Variants in MMP26 observed in about 807,000 individuals in gnomAD.
MMP26 encodes matrix metallopeptidase 26, also known as matrix metalloproteinase-26.
A neutral mutation model predicts 31.0 loss-of-function variants in MMP26; 33 were observed. The observed-to-expected ratio is 1.06, with a 90% CI of 0.81 to 1.42. The LOEUF (loss-of-function observed/expected upper bound fraction) is 1.42. Ranked by LOEUF, MMP26 falls within the 40% of genes most tolerant of loss-of-function variation. The pLI is 0.00. For synonymous variants in MMP26, 122 were observed against 114.9 expected (o/e 1.06, Z -0.40); for missense variants, 347 against 316.1 (o/e 1.10, Z -0.74).
At chr11:4,881,989 CA>C in intron 2 of MMP26, 1 of 1,613,892 alleles carries the variant, frequency 6.2e-7, no homozygotes, top group Non-Finnish European at 8.5e-7. Flanking sequence ...TCTGGATCTC[CA>C]TTCCAGTCTG....
At chr11:4,802,452 T>A (rs1324822521) in intron 2 of MMP26, among the ~76,000 whole-genome samples, 1 of 152,196 alleles carries the variant, frequency 6.6e-6, no homozygotes, top group Non-Finnish European at 1.5e-5. Context: ...CTTTACAATT[T>A]TAATTATGTA....
rs1477109445 is a variant in MMP26 at position 4,908,072 on chromosome 11, A to C, written c.-144-79996A>C. Reference sequence around the variant, plus strand: ...CATTGCATCTTTGGCAGAGAGGCTTAAGGCCCTAAATACCTGTGTCTCCCA... The same window carrying C: ...CATTGCATCTTTGGCAGAGAGGCTTCAGGCCCTAAATACCTGTGTCTCCCA... On this transcript the variant is annotated intron_variant, in intron 2 of 7. Coordinates refer to ENST00000380390, the MANE Select transcript of MMP26 (RefSeq NM_021801.5). The C allele has an allele frequency of 2.5e-6, 4 of 1,614,118 alleles. No homozygotes were observed. The highest frequency in any genetic ancestry group is 3.4e-6 in the Non-Finnish European group (4 of 1,179,984).
intron 2 of MMP26, chr11:4,860,037 C>A (rs548420621): frequency 2.1e-6 from 1 of 471,058 alleles, no homozygotes; most frequent in East Asian, 7.0e-5. Flanking sequence ...ATGAATGAGA[C>A]AAGACATTGG....
At chr11:4,707,500 C>T (rs1589879654) in intron 1 of MMP26, among the ~76,000 whole-genome samples, 1 of 152,150 alleles carries the variant, frequency 6.6e-6, no homozygotes, top group South Asian at 2.1e-4. Context: ...AATTGAGAGG[C>T]TGCTTCCTCA....
intron 2 of MMP26, among the ~76,000 whole-genome samples, chr11:4,814,432 A>G (rs981604550): frequency 2.6e-5 from 4 of 152,188 alleles, no homozygotes; most frequent in Non-Finnish European, 5.9e-5. Context: ...TGAAGAACTG[A>G]AAAAAAGTAA....
chr11:4,941,682 T>C (rs977731275), intron 2 of MMP26, among the ~76,000 whole-genome samples: 4 of 152,256 alleles, frequency 2.6e-5, no homozygotes, highest in East Asian at 1.9e-4. Context: ...CATTTTCTAT[T>C]AGATGGAAGC....
chr11:4,989,595 A>T, intron 3 of MMP26, 53 bp from the exon 4 acceptor site: 1 of 1,446,950 alleles, frequency 6.9e-7, no homozygotes, highest in Non-Finnish European at 9.5e-7. Flanking sequence ...GGTAACTGAT[A>T]TATGGGTCTT....
chr11:4,843,949 CAAAG>C (rs1017684396), intron 2 of MMP26, among the ~76,000 whole-genome samples: 3 of 151,750 alleles, frequency 2.0e-5, no homozygotes, highest in African/African-American at 7.3e-5. Context: ...AAAATTGAAA[CAAAG>C]AAAACAACAC....
intron 2 of MMP26, among the ~76,000 whole-genome samples, chr11:4,960,946 C>G (rs888642564): frequency 1.3e-5 from 2 of 151,950 alleles, no homozygotes; most frequent in Admixed American, 1.3e-4. Context: ...AAAGATAAGT[C>G]AAAAAGGGAA....
rs1479486145 is a variant in MMP26 at position 4,733,579 on chromosome 11, T to C, written c.-217+28534T>C. 5.3e-5 allele frequency among the ~76,000 whole-genome samples: 8 copies of C among 152,158 alleles called. No individual in the cohort carries two copies. The East Asian group carries it at 1.5e-3, about 29-fold the overall frequency. ...TTTTAATATTTAGTAGATTAAAAAATTTAGTAGAAAATTCTTAGAATTTTC... is the reference window on the plus strand; with the variant it reads ...TTTTAATATTTAGTAGATTAAAAAACTTAGTAGAAAATTCTTAGAATTTTC... On this transcript the variant is annotated intron_variant, in intron 1 of 7. Coordinates refer to ENST00000380390, the MANE Select transcript of MMP26 (RefSeq NM_021801.5).
intron 2 of MMP26, among the ~76,000 whole-genome samples, chr11:4,786,040 T>C (rs1271933514): frequency 6.6e-6 from 1 of 152,186 alleles, no homozygotes; most frequent in Non-Finnish European, 1.5e-5. Context: ...CCAATCTTGA[T>C]GGACCTGGGG....
At chr11:4,713,763 T>C (rs1043724435) in intron 1 of MMP26, among the ~76,000 whole-genome samples, 2 of 151,994 alleles carry the variant, frequency 1.3e-5, no homozygotes, top group Non-Finnish European at 2.9e-5. Context: ...ATCAGTTGGG[T>C]GTGGGAGTGG....
chr11:4,898,829 CTCTGTGTGTGTGTGTGTGTGTGTG>C (rs1209637655), intron 2 of MMP26, among the ~76,000 whole-genome samples: 2 of 125,428 alleles, frequency 1.6e-5, no homozygotes, highest in African/African-American at 5.8e-5. Context: ...CTCTCTCTCT[CTCTGTGTGTGTGTGTGTGTGTGTG>C]TGTGTGTGTG....
chr11:4,786,693 T>C (rs1848951208), intron 2 of MMP26: 1 of 152,068 alleles, frequency 6.6e-6, no homozygotes, highest in Admixed American at 6.6e-5. Context: ...AGATTTGGAA[T>C]TTAGTTCCCC....
At chr11:4,882,400 T>C (rs772035925) in intron 2 of MMP26, 3 of 1,613,806 alleles carry the variant, frequency 1.9e-6, no homozygotes, top group Non-Finnish European at 2.5e-6. Context: ...CCATAAACAC[T>C]GTGTCTTTTC....
intron 2 of MMP26, among the ~76,000 whole-genome samples, chr11:4,891,990 G>T (rs1850631400): frequency 6.6e-6 from 1 of 151,874 alleles, no homozygotes. Context: ...CATATGCTTT[G>T]TAGCATTAAG....
At chr11:4,867,415 G>A in intron 2 of MMP26, among the ~76,000 whole-genome samples, 1 of 127,142 alleles carries the variant, frequency 7.9e-6, no homozygotes, top group South Asian at 2.7e-4. Context: ...TTTTTTGATG[G>A]AGTCTCTCTC....
intron 2 of MMP26, among the ~76,000 whole-genome samples, chr11:4,779,089 G>A (rs1848825510): frequency 1.3e-5 from 2 of 151,940 alleles, no homozygotes; most frequent in Non-Finnish European, 2.9e-5. Context: ...TTACTCTGCT[G>A]AGGTATTTTA....
intron 2 of MMP26, among the ~76,000 whole-genome samples, chr11:4,932,509 T>C (rs1564809667): frequency 6.6e-6 from 1 of 152,128 alleles, no homozygotes; most frequent in Non-Finnish European, 1.5e-5. Flanking sequence ...GAGGCATATG[T>C]AGGCGCTTAG....
Sources: allele counts gnomAD v4.1 joint callset (sites outside exome capture counted in the v4.1 genomes callset), GRCh38; gene constraint gnomAD v4.1.1; transcripts MANE v1.5; gene names NCBI Gene and HGNC (gene_info 2026-07-23, HGNC 2026-07-21).